The following TRHDE variants were observed in gnomAD, a reference collection of about 807,000 sequenced individuals.
The protein encoded by TRHDE is thyrotropin-releasing hormone-degrading ectoenzyme.
TRHDE carries 72 observed loss-of-function variants against 125.7 expected under a neutral mutation model. The observed-to-expected ratio is 0.57, with a 90% CI of 0.47 to 0.70. The LOEUF is 0.70. Among genes scored for constraint, TRHDE ranks in the 30% least tolerant of loss-of-function variants. The probability of loss-of-function intolerance (pLI) is 0.00; values close to 1 mark genes in which losing one functional copy is unlikely to be tolerated. For synonymous variants in TRHDE, 509 were observed against 509.1 expected, an observed-to-expected ratio of 1.00 and a Z score of 0.00; for missense variants, 1,110 against 1,327.1, an observed-to-expected ratio of 0.84 and a Z score of 2.54.
At chr12:72,376,959 C>T (rs11834322) in intron 2 of TRHDE, among the ~76,000 whole-genome samples, 22 of 151,712 alleles carry the variant, frequency 1.5e-4, no homozygotes, top group African/African-American at 5.1e-4. Context: ...GAACTGAAAG[C>T]ACTTTAGCAG....
chr12:72,561,633 C>G (rs1045303405), intron 7 of TRHDE, among the ~76,000 whole-genome samples: 2 of 152,090 alleles, frequency 1.3e-5, no homozygotes, highest in Non-Finnish European at 2.9e-5. Context: ...TGTTTCAAAT[C>G]CATGGAAATA....
chr12:72,482,690 C>T (rs1877227431), intron 5 of TRHDE, among the ~76,000 whole-genome samples: 1 of 151,808 alleles, frequency 6.6e-6, no homozygotes, highest in Non-Finnish European at 1.5e-5. Context: ...ATATTTTCAT[C>T]TAAATATTGT....
chr12:72,442,152 T>A (rs1245382741), intron 3 of TRHDE, among the ~76,000 whole-genome samples: 1 of 151,880 alleles, frequency 6.6e-6, no homozygotes, highest in African/African-American at 2.4e-5. Flanking sequence ...TGAGACTTAT[T>A]TAGGTGGTTG....
chr12:72,538,010 A>G (rs552490290), intron 6 of TRHDE, among the ~76,000 whole-genome samples: 39 of 152,160 alleles, frequency 2.6e-4, no homozygotes, highest in African/African-American at 9.4e-4. Context: ...CCCAAGATTA[A>G]TCTAAATTCT....
At chr12:72,151,610 A>G (rs1406068979) in intron 2 of TRHDE, among the ~76,000 whole-genome samples, 2 of 151,662 alleles carry the variant, frequency 1.3e-5, no homozygotes, top group Non-Finnish European at 2.9e-5. Flanking sequence ...AGCTTTCTAC[A>G]TATGGCTAGC....
intron 2 of TRHDE, among the ~76,000 whole-genome samples, chr12:72,160,959 T>C (rs1446747093): frequency 3.3e-5 from 5 of 152,200 alleles, no homozygotes; most frequent in Non-Finnish European, 5.9e-5. Flanking sequence ...GAATTCCTTT[T>C]CATATATTCA....
chr12:72,624,805 A>C (rs946370070), intron 15 of TRHDE, among the ~76,000 whole-genome samples: 4 of 152,004 alleles, frequency 2.6e-5, no homozygotes, highest in African/African-American at 9.7e-5. Context: ...GACTAAGCTC[A>C]ACAAAAAAGC....
In TRHDE at chr12:72,272,409, G is replaced by A; in HGVS notation, c.-235G>A. On this transcript the variant is annotated 5_prime_UTR_variant, in exon 1 of 19. Coordinates refer to ENST00000261180, the MANE Select transcript of TRHDE (RefSeq NM_013381.3). This position sits in a 1 kb window ranked among gnomAD's most constrained non-coding sequence, Gnocchi z 6.7. ...GCTGGGCAAGCAAGACGCTTTCCAAGTTGGGCGCGTCCCAGAGCTCACAGC... is the reference window on the plus strand; with the variant it reads ...GCTGGGCAAGCAAGACGCTTTCCAAATTGGGCGCGTCCCAGAGCTCACAGC... 4.6e-6 allele frequency: 2 copies of A among 431,350 alleles called. No homozygotes were observed. Among genetic ancestry groups the A allele is most frequent in the South Asian group, 4.3e-5 (2 of 46,566 alleles). 26.7% of individuals were successfully genotyped at this position (431,350 alleles called of 1,614,324 possible). A position where few individuals can be genotyped will look rare whatever the true frequency, so the allele number is the denominator to read the frequency against.
chr12:72,572,567 C>CT (rs1258455795), intron 10 of TRHDE, among the ~76,000 whole-genome samples: 1 of 151,960 alleles, frequency 6.6e-6, no homozygotes, highest in Non-Finnish European at 1.5e-5. Context: ...AGTTAAAAAT[C>CT]TATTACAAAA....
intron 9 of TRHDE, 32 bp downstream of exon 9, chr12:72,563,072 G>T: frequency 6.9e-7 from 1 of 1,445,958 alleles, no homozygotes; most frequent in Non-Finnish European, 9.4e-7. Context: ...GAAAAATATT[G>T]TTTTTATTCT....
At chr12:72,416,431 T>G (rs2135821060) in intron 3 of TRHDE, among the ~76,000 whole-genome samples, 1 of 152,150 alleles carries the variant, frequency 6.6e-6, no homozygotes. Flanking sequence ...TCTCTGTGCT[T>G]TTGAGGTCTT....
Position 72,314,627 on chromosome 12 carries a change from C to G in TRHDE, c.1188+27673C>G, listed in dbSNP as rs551932061. ...AATGATAGTTTTGGGTTTGATATATCTACAGTTTGTAGTTATGTGGAGTGC... is the reference window on the plus strand; with the variant it reads ...AATGATAGTTTTGGGTTTGATATATGTACAGTTTGTAGTTATGTGGAGTGC... On this transcript the variant is annotated intron_variant, in intron 2 of 18. Transcript: ENST00000261180. Among the ~76,000 whole-genome samples, 3 of 152,086 alleles carry G rather than the reference C, an allele frequency of 2.0e-5. No individual in the cohort carries two copies. The South Asian group carries it at 6.2e-4, about 32-fold the overall frequency.
Position 72,246,613 on chromosome 12 carries a change from G to A in TRHDE, n.280-131382G>A, listed in dbSNP as rs149492120. ...CTGACTCGCTTAACATAAATAGCTC[G>A]ATATTGCTTCTGGCAAGGACACAAA... On this transcript the variant is annotated intron_variant and non_coding_transcript_variant, in intron 2 of 4. Coordinates refer to the TRHDE transcript ENST00000548156. Among the ~76,000 whole-genome samples, 636 of 152,234 alleles carry A rather than the reference G, an allele frequency of 4.2e-3. 4 individuals carry two copies. Among genetic ancestry groups the A allele is most frequent in the African/African-American group, 0.014 (590 of 41,548 alleles).
intron 2 of TRHDE, among the ~76,000 whole-genome samples, chr12:72,183,845 A>G (rs377503230): frequency 1.3e-5 from 2 of 152,218 alleles, no homozygotes; most frequent in Admixed American, 6.5e-5. Flanking sequence ...AATGTCTTCA[A>G]TTTTAAAATC....
chr12:72,103,491 C>G (rs1357530506), intron 1 of TRHDE, among the ~76,000 whole-genome samples: 3 of 151,850 alleles, frequency 2.0e-5, no homozygotes, highest in African/African-American at 7.3e-5. Flanking sequence ...TTACAGCATC[C>G]CTTGCTGAAG....
At chr12:72,364,323 T>C (rs1871254095) in intron 2 of TRHDE, among the ~76,000 whole-genome samples, 1 of 152,066 alleles carries the variant, frequency 6.6e-6, no homozygotes, top group Admixed American at 6.6e-5. Flanking sequence ...TCCGTGTTAC[T>C]TACATCCTCA....
chr12:72,568,630 CA>C lies in TRHDE; in HGVS notation c.2107del (p.Ile703LeufsTer13). The C allele has an allele frequency of 6.2e-7, 1 of 1,610,984 alleles. No individual in the cohort carries two copies. The highest frequency in any genetic ancestry group is 8.5e-7 in the Non-Finnish European group (1 of 1,177,962). On this transcript the variant is annotated frameshift_variant, in exon 10 of 19. Transcript: ENST00000261180. LOFTEE classifies it high-confidence loss of function. ...VGNRSHVSSE[A>X]IIWVSNKSEH... Reference sequence around the variant, plus strand: ...AATAGAAGCCATGTGTCTTCAGAAGCAATTATTTGGGTGTCTAACAAATCAG... The same window carrying C: ...AATAGAAGCCATGTGTCTTCAGAAGCATTATTTGGGTGTCTAACAAATCAG...
In TRHDE at chr12:72,575,366, A is replaced by G; in HGVS notation, c.2243A>G (p.Asp748Gly). 6.2e-7 allele frequency: 1 copy of G among 1,613,648 alleles called. No homozygotes were observed. The highest frequency in any genetic ancestry group is 8.5e-7 in the Non-Finnish European group (1 of 1,179,724). The change falls in exon 11 of 19, where the codon GAT becomes GGT. Residue 748 changes from aspartate (D) to glycine (G), a missense_variant. Physicochemically the swap from Asp to Gly is moderately conservative, Grantham distance 94. Around this residue, in one of 5 missense-constraint regions of TRHDE, gnomAD observed 527 missense variants for 651.8 expected, o/e 0.81. Transcript: ENST00000261180. The stretch of plus-strand genomic sequence containing the variant: ...CTAAGGAACTGGAGATTATTAATTG[A>G]TCAATTAATCCGGAATCATGAGGTA... ...YDLRNWRLLI[D>G]QLIRNHEVLS...
intron 2 of TRHDE, among the ~76,000 whole-genome samples, chr12:72,238,899 A>G (rs573964354): frequency 5.6e-4 from 85 of 152,290 alleles, no homozygotes; most frequent in African/African-American, 2.0e-3. Flanking sequence ...TCCTTTGGGT[A>G]TATACCCAGT....
Sources: gnomAD v4.1 joint callset for allele counts (sites outside exome capture counted in the v4.1 genomes callset) on GRCh38, gnomAD v4.1.1 for gene constraint, gnomAD v4.1.1 regional missense constraint, Gnocchi (gnomAD v3.1) non-coding constraint, MANE v1.5 for transcripts, NCBI Gene and HGNC (gene_info 2026-07-23, HGNC 2026-07-21) for gene names.